The following EIF3J variants were observed in gnomAD, a reference collection of about 807,000 sequenced individuals.
The protein encoded by EIF3J is eukaryotic translation initiation factor 3, subunit 1 (alpha, 35kD).
In EIF3J, 15 loss-of-function variants were observed where a neutral mutation model predicts 39.0. That is an observed-to-expected ratio of 0.38 (90% confidence interval 0.26 to 0.59). The LOEUF (loss-of-function observed/expected upper bound fraction) is 0.59. Among genes scored for constraint, EIF3J ranks in the 20% least tolerant of loss-of-function variants. The pLI is 0.60. For missense variants in EIF3J, 226 were observed against 308.6 expected, an observed-to-expected ratio of 0.73 and a Z score of 2.00; for synonymous variants, 98 against 112.9, an observed-to-expected ratio of 0.87 and a Z score of 0.84.
chr15:44,537,724 TC>T (rs1356281602), intron 2 of EIF3J, among the ~76,000 whole-genome samples: 2 of 152,180 alleles, frequency 1.3e-5, no homozygotes, highest in African/African-American at 4.8e-5. Context: ...AGCTTCGCGG[TC>T]CGGAGCCTCT....
chr15:44,559,742 T>C (rs952114643), intron 6 of EIF3J, among the ~76,000 whole-genome samples: 2 of 151,774 alleles, frequency 1.3e-5, no homozygotes, highest in Admixed American at 6.6e-5. Context: ...TGTCATTTCA[T>C]GTTTATTTGT....
intron 1 of EIF3J, 42 bp from the exon 2 acceptor site, chr15:44,537,282 C>T (rs1349928781): frequency 2.6e-6 from 4 of 1,565,322 alleles, no homozygotes; most frequent in African/African-American, 1.4e-5. Context: ...GCGCCGGCCC[C>T]ACGCAGTGGC....
In EIF3J at chr15:44,561,635, A is replaced by G. The variant is rs1334586632; in HGVS notation, c.*486A>G. 6.5e-6 allele frequency: 1 copy of G among 152,774 alleles called. No individual in the cohort carries two copies. The highest frequency in any genetic ancestry group is 2.4e-5 in the African/African-American group (1 of 41,466). The allele number at this position is 152,774 out of a possible 1,614,324, so 9.5% of individuals were successfully genotyped here. On this transcript the variant is annotated 3_prime_UTR_variant, in exon 8 of 8. Transcript: ENST00000261868. Reference sequence around the variant, plus strand: ...TTGAACATGAGGATATTAAAAATACATTGTGAAGAAGACTGCTTATCTCAG... The same window carrying G: ...TTGAACATGAGGATATTAAAAATACGTTGTGAAGAAGACTGCTTATCTCAG...
intron 3 of EIF3J, 144 bp downstream of exon 3, chr15:44,551,074 G>T: frequency 7.5e-7 from 1 of 1,342,242 alleles, no homozygotes; most frequent in Non-Finnish European, 9.8e-7. Context: ...ACTTTATTCT[G>T]TTTTCCCTGC....
At chr15:44,559,037 C>T (rs1354292928) in intron 6 of EIF3J, 5 of 152,052 alleles carry the variant, frequency 3.3e-5, no homozygotes, top group Admixed American at 2.6e-4. Context: ...GGTCACTGTT[C>T]TCATTGTAGT....
At chr15:44,541,479 G>A (rs1396099916) in intron 2 of EIF3J, among the ~76,000 whole-genome samples, 1 of 152,168 alleles carries the variant, frequency 6.6e-6, no homozygotes, top group African/African-American at 2.4e-5. Flanking sequence ...GGAGTTTGAA[G>A]CCAGCCTGGG....
chr15:44,545,241 A>T (rs1465418183), intron 2 of EIF3J, among the ~76,000 whole-genome samples: 2 of 152,136 alleles, frequency 1.3e-5, no homozygotes, highest in African/African-American at 4.8e-5. Flanking sequence ...TTTGCATTGG[A>T]ATTGCATTGG....
intron 3 of EIF3J, 107 bp from the exon 4 acceptor site, chr15:44,551,324 A>G: frequency 5.5e-6 from 4 of 724,438 alleles, no homozygotes; most frequent in Non-Finnish European, 8.9e-6. Flanking sequence ...CACTGTTTGA[A>G]GCTGGGAAAG....
In EIF3J at chr15:44,548,920, A is replaced by G. The variant is rs1285211969; in HGVS notation, c.148-1956A>G. On this transcript the variant is annotated intron_variant, in intron 2 of 7. Transcript: ENST00000261868. ...CCAGGGAAAAAAACCATTATTTATT[A>G]AAGGGTTTTTAATAAATGATGCTGT... is the stretch of plus-strand genomic sequence containing the variant. Among the ~76,000 whole-genome samples, 6 of 152,330 alleles carry G rather than the reference A, an allele frequency of 3.9e-5. No homozygotes were observed. The East Asian group carries it at 1.2e-3, about 29-fold the overall frequency.
chr15:44,552,612 G>A (rs1388109999), intron 4 of EIF3J, among the ~76,000 whole-genome samples: 3 of 150,876 alleles, frequency 2.0e-5, no homozygotes, highest in Non-Finnish European at 4.4e-5. Flanking sequence ...TCGCCCAGGC[G>A]GGAGTGCAAT....
intron 2 of EIF3J, among the ~76,000 whole-genome samples, chr15:44,547,032 A>G (rs903305315): frequency 1.3e-5 from 2 of 151,946 alleles, no homozygotes; most frequent in Non-Finnish European, 2.9e-5. Flanking sequence ...CATGTTGGCC[A>G]GGCTGGTCTC....
intron 6 of EIF3J, 197 bp downstream of exon 6, chr15:44,557,847 G>T: frequency 2.9e-6 from 1 of 350,568 alleles, no homozygotes; most frequent in Non-Finnish European, 5.0e-6. Flanking sequence ...TGTTTGTAGG[G>T]GTAAGAGGAC....
chr15:44,542,133 T>A (rs1046111262), intron 2 of EIF3J, among the ~76,000 whole-genome samples: 2 of 152,208 alleles, frequency 1.3e-5, no homozygotes, highest in African/African-American at 4.8e-5. Context: ...AAAAGCTTAA[T>A]GAATTGAATT....
intron 6 of EIF3J, 27 bp downstream of exon 6, chr15:44,557,677 CTGGGTAGAT>C: frequency 2.1e-6 from 3 of 1,405,508 alleles, no homozygotes; most frequent in South Asian, 3.7e-5. Context: ...TCTAGCCCCT[CTGGGTAGAT>C]TTTTAGTAGG....
chr15:44,560,245 T>TA lies in EIF3J; in HGVS notation c.572-2dup. The stretch of plus-strand genomic sequence containing the variant: ...GTTTAATGGTATGCCCTTTTTTTTT[T>TA]AAGTGGAAATTGATGACTTGAAAAA... On this transcript the variant is annotated splice_polypyrimidine_tract_variant and splice_region_variant and intron_variant, in intron 6 of 7. Coordinates refer to ENST00000261868, the MANE Select transcript of EIF3J (RefSeq NM_003758.4). 1 of 1,594,584 alleles carries TA rather than the reference T, an allele frequency of 6.3e-7. No individual in the cohort carries two copies. The highest frequency in any genetic ancestry group is 8.5e-7 in the Non-Finnish European group (1 of 1,175,018).
At chr15:44,539,617 G>A (rs937502791) in intron 2 of EIF3J, among the ~76,000 whole-genome samples, 2 of 151,108 alleles carry the variant, frequency 1.3e-5, no homozygotes, top group African/African-American at 4.9e-5. Flanking sequence ...AGCCAGGATG[G>A]TCTCAATCTC....
At chr15:44,557,806 A>G (rs2082157705) in intron 6 of EIF3J, 156 bp downstream of exon 6, 1 of 475,124 alleles carries the variant, frequency 2.1e-6, no homozygotes, top group Non-Finnish European at 3.4e-6. Flanking sequence ...TTCTGCAGAT[A>G]CAGTGAATTT....
chr15:44,543,458 G>C (rs2082028340), intron 2 of EIF3J, among the ~76,000 whole-genome samples: 1 of 148,994 alleles, frequency 6.7e-6, no homozygotes, highest in Non-Finnish European at 1.5e-5. Context: ...GCTGTCTCCA[G>C]GCTGGAGGGC....
Position 44,550,870 on chromosome 15 carries a change from C to T in EIF3J, c.148-6C>T. ...AAGAATTATTAATGGAAGTCCTTTT[C>T]TTTAGGATAACTGGGATGACGATGA... On this transcript the variant is annotated splice_region_variant and splice_polypyrimidine_tract_variant and intron_variant, in intron 2 of 7. Transcript: ENST00000261868. 1.9e-6 allele frequency: 3 copies of T among 1,584,462 alleles called. No individual in the cohort carries two copies. Among genetic ancestry groups the T allele is most frequent in the Non-Finnish European group, 2.6e-6 (3 of 1,157,372 alleles).
Sources: allele counts gnomAD v4.1 joint callset (sites outside exome capture counted in the v4.1 genomes callset), GRCh38; gene constraint gnomAD v4.1.1; transcripts MANE v1.5; gene names NCBI Gene and HGNC (gene_info 2026-07-23, HGNC 2026-07-21).